PIGV: variants seen among roughly 807,000 people sequenced by gnomAD.
PIGV encodes phosphatidylinositol glycan anchor biosynthesis class V.
In PIGV, 27 loss-of-function variants were observed where a neutral mutation model predicts 39.2. That is an observed-to-expected ratio of 0.69 (90% CI 0.51 to 0.95). The LOEUF is 0.95. PIGV is among the 40% of genes least tolerant of loss of function. The probability of loss-of-function intolerance (pLI) is 0.00; values close to 1 mark genes in which losing one functional copy is unlikely to be tolerated. For missense variants in PIGV, 523 were observed against 586.4 expected (o/e 0.89, Z 1.12); for synonymous variants, 232 against 241.7 (o/e 0.96, Z 0.37).
At chr1:26,791,119 A>G (rs577621428) in intron 2 of PIGV, among the ~76,000 whole-genome samples, 1 of 152,324 alleles carries the variant, frequency 6.6e-6, no homozygotes, top group African/African-American at 2.4e-5. Context: ...GTTAAGTGAC[A>G]TCCCCAAAGC....
Position 26,794,224 on chromosome 1 carries a change from T to C in PIGV, c.190T>C (p.Ser64Pro), listed in dbSNP as rs762224266. The C allele has an allele frequency of 1.2e-6, 2 of 1,614,222 alleles. No individual in the cohort carries two copies. Among genetic ancestry groups the C allele is most frequent in the South Asian group, 1.1e-5 (1 of 91,084 alleles). Residue 64 changes from serine (S) to proline (P), a missense_variant, in exon 3 of 4, where the codon TCT (serine) becomes CCT (proline). Coordinates refer to ENST00000674202, the MANE Select transcript of PIGV (RefSeq NM_017837.4). ...CGTGGAAGGTCTTCTGGGCGGCCTG[T>C]CTCACTGGGATGCTGAACACTTCTT... The part of the protein sequence containing the change: ...QLVEGLLGGL[S>P]HWDAEHFLFI...
In PIGV at chr1:26,799,433, G is replaced by A. The variant is rs2081427143; in HGVS notation, c.*1589G>A. 6.6e-6 allele frequency among the ~76,000 whole-genome samples: 1 copy of A among 152,172 alleles called. No homozygotes were observed. The highest frequency in any genetic ancestry group is 1.5e-5 in the Non-Finnish European group (1 of 68,034). On this transcript the variant is annotated 3_prime_UTR_variant, in exon 4 of 4. Coordinates refer to ENST00000674202, the MANE Select transcript of PIGV (RefSeq NM_017837.4). ...ATTCCTTGAGCCAGACGAGAGTTTG[G>A]CTCTGTATCATCCATCACCTCTTTT...
chr1:26,797,655 A>G lies in PIGV; in HGVS notation c.1293A>G (p.Leu431=), dbSNP rs143218027. The G allele has an allele frequency of 2.7e-5, 43 of 1,614,008 alleles. No individual in the cohort carries two copies. The highest frequency in any genetic ancestry group is 5.3e-5 in the African/African-American group (4 of 74,920). Residue 431 remains leucine, a synonymous_variant, in exon 4 of 4, where the codon TTA becomes TTG. Coordinates refer to ENST00000674202, the MANE Select transcript of PIGV (RefSeq NM_017837.4). The part of the protein sequence containing the change: ...LQDQEPLLRS[L]KTVPWKPLAE... ...ATCAAGAGCCGCTGTTGAGATCCTT[A>G]AAGACTGTGCCTTGGAAGCCTCTTG...
At position 26,788,199 on chromosome 1, in the gene PIGV, C is replaced by T. The variant is rs987938589; in HGVS notation, c.-127C>T. The T allele has an allele frequency of 3.9e-5, 6 of 152,500 alleles. No individual in the cohort carries two copies. Among genetic ancestry groups the T allele is most frequent in the African/African-American group, 9.6e-5 (4 of 41,496 alleles). The allele number at this position is 152,500 out of a possible 1,614,324, so 9.4% of individuals were successfully genotyped here. ...TCCAGCCTCCCGCCCTCGTCTGCTT[C>T]CGGCCCTGTGGCCTGGTGGGGCTCT... On this transcript the variant is annotated 5_prime_UTR_variant, in exon 1 of 4. Coordinates refer to ENST00000674202, the MANE Select transcript of PIGV (RefSeq NM_017837.4).
At position 26,797,657 on chromosome 1, in the gene PIGV, A is replaced by C. The variant is rs758118607; in HGVS notation, c.1295A>C (p.Lys432Thr). Reference protein sequence around the residue: ...QDQEPLLRSLKTVPWKPLAED... With the variant: ...QDQEPLLRSLTTVPWKPLAED... ...CAAGAGCCGCTGTTGAGATCCTTAA[A>C]GACTGTGCCTTGGAAGCCTCTTGCA... The change falls in exon 4 of 4, where the codon AAG (lysine) becomes ACG (threonine). Residue 432 changes from lysine (K) to threonine (T), a missense_variant. Transcript: ENST00000674202. The C allele has an allele frequency of 9.9e-6, 16 of 1,614,076 alleles. 1 individual carries two copies. The East Asian group carries it at 3.1e-4, about 31-fold the overall frequency.
At position 26,800,294 on chromosome 1, in the gene PIGV, G is replaced by A. The variant is rs964729462; in HGVS notation, c.*2450G>A. On this transcript the variant is annotated 3_prime_UTR_variant, in exon 4 of 4. Coordinates refer to ENST00000674202, the MANE Select transcript of PIGV (RefSeq NM_017837.4). ...CTTTAATAGTCTGGGAGAGGGACAT[G>A]AAGGACCCAAGGCAGGAAGTTTCCT... 2.6e-5 allele frequency among the ~76,000 whole-genome samples: 4 copies of A among 152,194 alleles called. No homozygotes were observed. Among genetic ancestry groups the A allele is most frequent in the Admixed American group, 6.5e-5 (1 of 15,276 alleles).
chr1:26,790,726 C>T (rs1570636047), intron 1 of PIGV, 33 bp from the exon 2 acceptor site: 3 of 1,021,498 alleles, frequency 2.9e-6, no homozygotes, highest in South Asian at 1.3e-5. Context: ...TGCTTTCACT[C>T]GATGTGTGAC....
Position 26,797,796 on chromosome 1 carries a change from C to T in PIGV, c.1434C>T (p.Tyr478=). ...ACATTCTAGGCTACTTCCTGACTTA[C>T]TGGCTCCTGGGACTACTCCTACATT... ...TRYILGYFLT[Y]WLLGLLLHCN... is the part of the protein sequence containing the mutation. The change falls in exon 4 of 4, where the codon TAC becomes TAT. Residue 478 remains tyrosine (Y), a synonymous_variant. Transcript: ENST00000674202. The T allele has an allele frequency of 6.2e-7, 1 of 1,614,140 alleles. No individual in the cohort carries two copies. The highest frequency in any genetic ancestry group is 8.5e-7 in the Non-Finnish European group (1 of 1,179,966).
chr1:26,796,408 T>C (rs1364703366), intron 3 of PIGV, among the ~76,000 whole-genome samples: 1 of 152,134 alleles, frequency 6.6e-6, no homozygotes, highest in Non-Finnish European at 1.5e-5. Flanking sequence ...GACCTCGTGA[T>C]CCACCCGCCT....
At position 26,794,604 on chromosome 1, in the gene PIGV, G is replaced by C; in HGVS notation, c.570G>C (p.Trp190Cys). The change falls in exon 3 of 4, where the codon TGG (tryptophan) becomes TGC (cysteine). Residue 190 changes from tryptophan to cysteine, a missense_variant. Transcript: ENST00000674202. ...AMGQLERGRVWTSVLLFAFAT... is the reference protein window; with the variant it reads ...AMGQLERGRVCTSVLLFAFAT... ...GGCAGCTGGAGAGGGGCCGAGTCTG[G>C]ACTAGTGTACTCCTCTTTGCCTTTG... is the stretch of plus-strand genomic sequence containing the variant. 1 of 1,614,208 alleles carries C rather than the reference G, an allele frequency of 6.2e-7. No individual in the cohort carries two copies. The highest frequency in any genetic ancestry group is 8.5e-7 in the Non-Finnish European group (1 of 1,180,032).
At chr1:26,791,218 G>A (rs1037563340) in intron 2 of PIGV, among the ~76,000 whole-genome samples, 3 of 152,168 alleles carry the variant, frequency 2.0e-5, no homozygotes, top group Non-Finnish European at 2.9e-5. Flanking sequence ...GTGATGTTCC[G>A]TAACCAGAGA....
intron 3 of PIGV, among the ~76,000 whole-genome samples, chr1:26,796,369 C>T (rs1557629529): frequency 2.0e-5 from 3 of 152,004 alleles, no homozygotes; most frequent in Non-Finnish European, 2.9e-5. Context: ...GGGATTTCAC[C>T]GTGTGAGCCA....
In PIGV at chr1:26,798,756, GTAAAA is replaced by G. The variant is rs1304550422; in HGVS notation, c.*916_*920del. On this transcript the variant is annotated 3_prime_UTR_variant, in exon 4 of 4. Transcript: ENST00000674202. ...TACAAATCTTTCCATGTGGCAAAAAGTAAAATAATTTTAAAAAGTTAAAATAATAT... is the reference window on the plus strand; with the variant it reads ...TACAAATCTTTCCATGTGGCAAAAAGTAATTTTAAAAAGTTAAAATAATAT... Among the ~76,000 whole-genome samples, 1 of 152,150 alleles carries G rather than the reference GTAAAA, an allele frequency of 6.6e-6. No homozygotes were observed. The highest frequency in any genetic ancestry group is 1.5e-5 in the Non-Finnish European group (1 of 68,024).
At position 26,799,682 on chromosome 1, in the gene PIGV, G is replaced by A. The variant is rs554471247; in HGVS notation, c.*1838G>A. ...GGCCAATAAGCATTTCCCATCCATCGCCCCAGCACTAGGACAGCTGAGAGA... is the reference window on the plus strand; with the variant it reads ...GGCCAATAAGCATTTCCCATCCATCACCCCAGCACTAGGACAGCTGAGAGA... On this transcript the variant is annotated 3_prime_UTR_variant, in exon 4 of 4. Coordinates refer to ENST00000674202, the MANE Select transcript of PIGV (RefSeq NM_017837.4). 4.9e-4 allele frequency among the ~76,000 whole-genome samples: 74 copies of A among 152,204 alleles called. No homozygotes were observed. The highest frequency in any genetic ancestry group is 1.7e-3 in the African/African-American group (70 of 41,524).
In PIGV at chr1:26,797,771, A is replaced by G. The variant is rs1327869506; in HGVS notation, c.1409A>G (p.Tyr470Cys). ...HWKTCSPVTR[Y>C]ILGYFLTYWL... Reference sequence around the variant, plus strand: ...AAAACCTGTTCTCCAGTCACACGATACATTCTAGGCTACTTCCTGACTTAC... The same window carrying G: ...AAAACCTGTTCTCCAGTCACACGATGCATTCTAGGCTACTTCCTGACTTAC... Residue 470 changes from tyrosine to cysteine, a missense_variant, in exon 4 of 4, where the codon TAC becomes TGC. Transcript: ENST00000674202. The G allele has an allele frequency of 1.2e-6, 2 of 1,614,004 alleles. No homozygotes were observed. The highest frequency in any genetic ancestry group is 1.7e-6 in the Non-Finnish European group (2 of 1,179,886).
chr1:26,791,006 G>C, intron 2 of PIGV, 113 bp downstream of exon 2: 3 of 832,000 alleles, frequency 3.6e-6, no homozygotes, highest in South Asian at 1.4e-5. Context: ...CATGTGGTTG[G>C]AACCACAGAG....
intron 1 of PIGV, chr1:26,788,745 TCA>T (rs1318986272): frequency 6.6e-6 from 1 of 152,206 alleles, no homozygotes; most frequent in African/African-American, 2.4e-5. Flanking sequence ...TATACTAGCC[TCA>T]CAGTGTCTGA....
In PIGV at chr1:26,798,279, T is replaced by A. The variant is rs2124210338; in HGVS notation, c.*435T>A. On this transcript the variant is annotated 3_prime_UTR_variant, in exon 4 of 4. Coordinates refer to ENST00000674202, the MANE Select transcript of PIGV (RefSeq NM_017837.4). ...GAACAGTGTAGTGGCAGTAATAAAG[T>A]GGGACCATTTTTTCCAAATGCGACA... 6.4e-6 allele frequency: 1 copy of A among 157,208 alleles called. No homozygotes were observed. Among genetic ancestry groups the A allele is most frequent in the Admixed American group, 6.3e-5 (1 of 15,784 alleles). 9.7% of individuals were successfully genotyped at this position (157,208 alleles called of 1,614,324 possible). A position where few individuals can be genotyped will look rare whatever the true frequency, so the allele number is the denominator to read the frequency against.
In PIGV at chr1:26,797,607, G is replaced by A. The variant is rs1009015375; in HGVS notation, c.1245G>A (p.Trp415Ter). ...FLGSSTPIMY[W>*]FPAHLLQDQE... is the part of the protein sequence containing the mutation. ...GCTCCTCCACTCCTATTATGTACTG[G>A]TTTCCAGCTCACTTGCTTCAGGATC... The change falls in exon 4 of 4, where the codon TGG becomes TGA. Residue 415 changes from tryptophan (W) to a stop codon, truncating the protein, a stop_gained. Coordinates refer to ENST00000674202, the MANE Select transcript of PIGV (RefSeq NM_017837.4). LOFTEE classifies it high-confidence loss of function. 8 of 1,613,988 alleles carry A rather than the reference G, an allele frequency of 5.0e-6. No homozygotes were observed. Among genetic ancestry groups the A allele is most frequent in the Non-Finnish European group, 6.8e-6 (8 of 1,179,976 alleles).
Sources: gnomAD v4.1 joint callset for allele counts (sites outside exome capture counted in the v4.1 genomes callset) on GRCh38, gnomAD v4.1.1 for gene constraint, MANE v1.5 for transcripts, NCBI Gene and HGNC (gene_info 2026-07-23, HGNC 2026-07-21) for gene names.